LNX1: variants seen among roughly 807,000 people sequenced by gnomAD.
LNX1 encodes the protein E3 ubiquitin-protein ligase LNX.
Under a neutral mutation model 68.4 loss-of-function variants are expected in LNX1, and 54 were observed. That is an observed-to-expected ratio of 0.79 (90% CI 0.63 to 0.99). The LOEUF is 0.99. LNX1 is among the 50% of genes least tolerant of loss of function. The pLI is 0.00. For missense variants in LNX1, 906 were observed against 926.4 expected, an observed-to-expected ratio of 0.98 and a Z score of 0.29; for synonymous variants, 336 against 350.0, an observed-to-expected ratio of 0.96 and a Z score of 0.45.
At chr4:53,545,879 C>G (rs1729082203) in intron 2 of LNX1, among the ~76,000 whole-genome samples, 1 of 148,094 alleles carries the variant, frequency 6.8e-6, no homozygotes, top group African/African-American at 2.5e-5. Flanking sequence ...GCTATCTCAG[C>G]TCACTACAAC....
intron 9 of LNX1, among the ~76,000 whole-genome samples, chr4:53,471,930 G>C (rs1317907242): frequency 6.6e-6 from 1 of 152,198 alleles, no homozygotes; most frequent in African/African-American, 2.4e-5. Context: ...TCAGTGTGGC[G>C]ATTCCTCAGG....
chr4:53,540,535 AG>A (rs1345989751), intron 2 of LNX1, among the ~76,000 whole-genome samples: 18 of 152,056 alleles, frequency 1.2e-4, no homozygotes, highest in Middle Eastern at 6.8e-3. Context: ...ACAAAAAATT[AG>A]CTGGGCATGG....
intron 2 of LNX1, among the ~76,000 whole-genome samples, chr4:53,513,369 C>T (rs1216437588): frequency 6.6e-6 from 1 of 152,140 alleles, no homozygotes; most frequent in Non-Finnish European, 1.5e-5. Flanking sequence ...GGGAGAAATG[C>T]CTTGTCCGAG....
chr4:53,548,443 A>C (rs1166770457), intron 2 of LNX1, among the ~76,000 whole-genome samples: 1 of 152,224 alleles, frequency 6.6e-6, no homozygotes, highest in Non-Finnish European at 1.5e-5. Context: ...ATAACTATAC[A>C]TAAGACAAGC....
chr4:53,464,136 T>C (rs1302628779), intron 9 of LNX1, among the ~76,000 whole-genome samples: 1 of 152,146 alleles, frequency 6.6e-6, no homozygotes, highest in African/African-American at 2.4e-5. Context: ...AAATTGAATC[T>C]ATAGAAAACC....
intron 2 of LNX1, among the ~76,000 whole-genome samples, chr4:53,556,464 C>A (rs115039213): frequency 6.6e-6 from 1 of 152,052 alleles, no homozygotes; most frequent in Non-Finnish European, 1.5e-5. Context: ...AACATAGCAA[C>A]GAAGAAGGAT....
intron 9 of LNX1, among the ~76,000 whole-genome samples, chr4:53,469,187 C>A (rs1195609380): frequency 6.6e-6 from 1 of 152,184 alleles, no homozygotes; most frequent in East Asian, 1.9e-4. Context: ...TTAAGAAACT[C>A]ACTCAAAACT....
chr4:53,566,358 A>T (rs1560670043), intron 2 of LNX1, among the ~76,000 whole-genome samples: 2 of 151,960 alleles, frequency 1.3e-5, no homozygotes, highest in African/African-American at 4.9e-5. Context: ...ATTCTTAAAG[A>T]AAAGAATTTT....
chr4:53,509,406 A>G (rs1023897825), intron 2 of LNX1, among the ~76,000 whole-genome samples: 9 of 152,236 alleles, frequency 5.9e-5, no homozygotes, highest in African/African-American at 1.9e-4. Context: ...AGGTCAGTCT[A>G]CCGTGATATG....
At chr4:53,644,582 AAC>A (rs1444501985) in intron 1 of LNX1, among the ~76,000 whole-genome samples, 1 of 152,198 alleles carries the variant, frequency 6.6e-6, no homozygotes, top group Non-Finnish European at 1.5e-5. Flanking sequence ...TTTATCAGAA[AAC>A]ACACCACTAG....
At chr4:53,527,050 C>T (rs1272110732) in intron 2 of LNX1, among the ~76,000 whole-genome samples, 1 of 20,588 alleles carries the variant, frequency 4.9e-5, no homozygotes, top group African/African-American at 9.6e-5. Flanking sequence ...TTCCCTGCCC[C>T]TAAAAAAAAA....
At chr4:53,495,629 G>A (rs1192940784) in intron 6 of LNX1, among the ~76,000 whole-genome samples, 1 of 147,466 alleles carries the variant, frequency 6.8e-6, no homozygotes, top group African/African-American at 2.6e-5. Context: ...TGCAACCTCC[G>A]CCTCCCAGTT....
chr4:53,527,051 T>TA (rs11415751), intron 2 of LNX1, among the ~76,000 whole-genome samples: 24,718 of 121,460 alleles, frequency 0.2, 2,829 homozygotes, highest in South Asian at 0.32. Flanking sequence ...TCCCTGCCCC[T>TA]AAAAAAAAAA....
intron 1 of LNX1, among the ~76,000 whole-genome samples, chr4:53,624,309 G>T (rs546640810): frequency 3.9e-5 from 6 of 152,240 alleles, no homozygotes; most frequent in South Asian, 2.1e-4. Flanking sequence ...GGAGATAATT[G>T]GATCATGGGG....
intron 9 of LNX1, among the ~76,000 whole-genome samples, chr4:53,470,205 G>C (rs190843258): frequency 2.0e-5 from 3 of 152,162 alleles, no homozygotes; most frequent in African/African-American, 7.2e-5. Flanking sequence ...ATCAATAAAC[G>C]TAATCCAGCA....
chr4:53,581,643 C>G (rs1018580617), intron 1 of LNX1, among the ~76,000 whole-genome samples: 1 of 152,094 alleles, frequency 6.6e-6, no homozygotes, highest in African/African-American at 2.4e-5. Context: ...TTTATAAAAC[C>G]AACATATCTC....
At chr4:53,529,687 G>A (rs1252392245) in intron 2 of LNX1, among the ~76,000 whole-genome samples, 2 of 152,192 alleles carry the variant, frequency 1.3e-5, no homozygotes. Flanking sequence ...TCAGGAGGAG[G>A]TGTACAAGCT....
intron 9 of LNX1, among the ~76,000 whole-genome samples, chr4:53,469,298 C>T (rs982842290): frequency 1.3e-5 from 2 of 152,004 alleles, no homozygotes; most frequent in African/African-American, 4.8e-5. Flanking sequence ...CCAACGAGAA[C>T]AAAGACACAG....
intron 1 of LNX1, among the ~76,000 whole-genome samples, chr4:53,643,089 T>A (rs1306271531): frequency 6.6e-6 from 1 of 152,186 alleles, no homozygotes; most frequent in Admixed American, 6.5e-5. Context: ...ACAAGGCAGC[T>A]GCCCACAATA....
Sources: gnomAD v4.1 joint callset for allele counts (sites outside exome capture counted in the v4.1 genomes callset) on GRCh38, gnomAD v4.1.1 for gene constraint, MANE v1.5 for transcripts, NCBI Gene and HGNC (gene_info 2026-07-23, HGNC 2026-07-21) for gene names.